The following HYDIN variants were observed in gnomAD, a reference collection of about 807,000 sequenced individuals.
HYDIN encodes HYDIN axonemal central pair apparatus protein.
In HYDIN, 132 loss-of-function variants were observed where a neutral mutation model predicts 403.9. The ratio of observed to expected loss-of-function variants is 0.33; its 90% CI spans 0.28 to 0.38. The LOEUF (loss-of-function observed/expected upper bound fraction) is 0.38. HYDIN is among the 10% of genes least tolerant of loss of function. The pLI, the probability that HYDIN is intolerant of heterozygous loss-of-function variation, is 1.00. For missense variants in HYDIN, 2,827 were observed against 5,009.5 expected (o/e 0.56, Z 13.15); for synonymous variants, 1,202 against 1,891.7 (o/e 0.64, Z 9.46).
In HYDIN at chr16:70,862,100, C is replaced by T; in HGVS notation, c.11725G>A (p.Val3909Ile). ...VPVGKIQKFK[V>I]KFSPLDIGDF... ...CCAATGTCCAACGGGGAGAATTTTACTTTGAACTTCTGAATCTTCCCCACC... is the reference window on the plus strand; with the variant it reads ...CCAATGTCCAACGGGGAGAATTTTATTTTGAACTTCTGAATCTTCCCCACC... The change falls in exon 69 of 86, where the codon GTA becomes ATA. Residue 3909 changes from valine to isoleucine, a missense_variant. Coordinates refer to ENST00000393567, the MANE Select transcript of HYDIN (RefSeq NM_001270974.2). The T allele has an allele frequency of 6.2e-7, 1 of 1,610,818 alleles. No homozygotes were observed.
At chr16:70,808,979 G>C (rs564992380) in intron 85 of HYDIN, among the ~76,000 whole-genome samples, 1 of 152,230 alleles carries the variant, frequency 6.6e-6, no homozygotes, top group Non-Finnish European at 1.5e-5. Flanking sequence ...TGGTGTCAGC[G>C]AGCTGCCATT....
intron 6 of HYDIN, among the ~76,000 whole-genome samples, chr16:71,153,312 G>A (rs922214625): frequency 2.0e-5 from 3 of 152,182 alleles, no homozygotes; most frequent in Non-Finnish European, 4.4e-5. Flanking sequence ...ACCCTCACTC[G>A]CCTTAGGATA....
chr16:70,990,152 T>C (rs1360568106), intron 25 of HYDIN, among the ~76,000 whole-genome samples: 1 of 151,792 alleles, frequency 6.6e-6, no homozygotes, highest in Non-Finnish European at 1.5e-5. Flanking sequence ...TCCCAGGACT[T>C]TGGGAGGCTG....
chr16:70,991,901 C>T (rs2079364934), intron 24 of HYDIN, among the ~76,000 whole-genome samples, 169 bp downstream of exon 24: 1 of 152,084 alleles, frequency 6.6e-6, no homozygotes, highest in Non-Finnish European at 1.5e-5. Context: ...TGATGGTACC[C>T]TCTCCCTATC....
intron 23 of HYDIN, among the ~76,000 whole-genome samples, chr16:71,012,743 T>C (rs2080130137): frequency 6.6e-6 from 1 of 152,152 alleles, no homozygotes; most frequent in Admixed American, 6.5e-5. Context: ...ATAAGAAAGG[T>C]TAGTGTTCGT....
chr16:71,019,704 G>A (rs1343041380), intron 22 of HYDIN, among the ~76,000 whole-genome samples: 3 of 152,086 alleles, frequency 2.0e-5, no homozygotes, highest in South Asian at 2.1e-4. Context: ...AAGAAGAAAC[G>A]AGAAATTTAT....
chr16:71,056,411 C>CA (rs2081895319), intron 18 of HYDIN, among the ~76,000 whole-genome samples: 1 of 147,986 alleles, frequency 6.8e-6, no homozygotes, highest in Non-Finnish European at 1.5e-5. Flanking sequence ...TTTTAAAAAT[C>CA]ATTTTTTTGT....
chr16:70,904,382 G>C (rs796206470), intron 50 of HYDIN, among the ~76,000 whole-genome samples: 8 of 121,196 alleles, frequency 6.6e-5, no homozygotes, highest in African/African-American at 1.9e-4. Context: ...AATGCCCAGT[G>C]AATGTTAGCT....
chr16:71,128,507 C>T (rs1187453629), intron 9 of HYDIN, among the ~76,000 whole-genome samples: 1 of 151,878 alleles, frequency 6.6e-6, no homozygotes, highest in Non-Finnish European at 1.5e-5. Context: ...GTCCATGTCT[C>T]TTCTGTATCT....
intron 39 of HYDIN, among the ~76,000 whole-genome samples, chr16:70,957,290 T>A (rs958599667): frequency 4.0e-5 from 6 of 151,614 alleles, no homozygotes; most frequent in African/African-American, 1.5e-4. Context: ...GTCCTCAAGG[T>A]TCTTCCGTGT....
At chr16:70,845,877 C>T (rs1420741901) in intron 75 of HYDIN, among the ~76,000 whole-genome samples, 30 of 141,750 alleles carry the variant, frequency 2.1e-4, no homozygotes, top group African/African-American at 6.9e-4. Context: ...TCTGTGGGAT[C>T]GGTGGTGATA....
In HYDIN at chr16:70,855,280, G is replaced by A; in HGVS notation, c.12296-5C>T. 6.4e-7 allele frequency: 1 copy of A among 1,557,136 alleles called. No homozygotes were observed. The highest frequency in any genetic ancestry group is 8.6e-7 in the Non-Finnish European group (1 of 1,156,760). On this transcript the variant is annotated splice_polypyrimidine_tract_variant and splice_region_variant and intron_variant, in intron 72 of 85. Transcript: ENST00000393567. ...CAGTCTCCCTGGCTTCTCTGCCTGA[G>A]GAGGAAACACCAGCCCTTAGTGGGG...
chr16:71,189,967 A>C (rs1265870503), intron 1 of HYDIN, among the ~76,000 whole-genome samples: 2 of 152,170 alleles, frequency 1.3e-5, no homozygotes, highest in African/African-American at 4.8e-5. Context: ...TATTTTTAAA[A>C]GTATAAACGA....
chr16:71,186,871 ACTC>A lies in HYDIN; in HGVS notation c.22_24del (p.Glu8del), dbSNP rs1567426247. On this transcript the variant is annotated inframe_deletion, in exon 2 of 86. Transcript: ENST00000393567. ...AATCCCATCTGAACAGCCCCCATGG[ACTC>A]CTCAAGTCTTCTACTTGTCATTTTT... 1 of 1,612,146 alleles carries A rather than the reference ACTC, an allele frequency of 6.2e-7. No individual in the cohort carries two copies. Among genetic ancestry groups the A allele is most frequent in the Non-Finnish European group, 8.5e-7 (1 of 1,178,916 alleles).
At chr16:70,921,964 G>A (rs1296693286) in intron 45 of HYDIN, among the ~76,000 whole-genome samples, 1 of 152,084 alleles carries the variant, frequency 6.6e-6, no homozygotes, top group African/African-American at 2.4e-5. Flanking sequence ...GAAATCCTCG[G>A]GTAGGCTCCA....
chr16:70,947,484 T>G (rs1167782018), intron 41 of HYDIN, among the ~76,000 whole-genome samples: 14 of 151,672 alleles, frequency 9.2e-5, no homozygotes, highest in African/African-American at 3.2e-4. Context: ...TCATCAAGGA[T>G]ATTGGTCTAA....
chr16:70,867,862 T>G (rs764503920), intron 66 of HYDIN, among the ~76,000 whole-genome samples: 1 of 149,734 alleles, frequency 6.7e-6, no homozygotes, highest in South Asian at 2.2e-4. Context: ...AGAGATGGGA[T>G]TTCACCATGT....
At chr16:70,875,550 A>T (rs1438889690) in intron 62 of HYDIN, among the ~76,000 whole-genome samples, 1 of 152,228 alleles carries the variant, frequency 6.6e-6, no homozygotes. Flanking sequence ...AAAAGATTGA[A>T]TAATACAAAA....
chr16:70,808,685 G>A (rs2035260742), intron 85 of HYDIN, among the ~76,000 whole-genome samples: 1 of 152,184 alleles, frequency 6.6e-6, no homozygotes, highest in Non-Finnish European at 1.5e-5. Flanking sequence ...TGATACAACT[G>A]ATCAAGAGCC....
Sources: gnomAD v4.1 joint callset for allele counts (sites outside exome capture counted in the v4.1 genomes callset) on GRCh38, gnomAD v4.1.1 for gene constraint, MANE v1.5 for transcripts, NCBI Gene and HGNC (gene_info 2026-07-23, HGNC 2026-07-21) for gene names.